Variants in MTUS1 observed in about 807,000 individuals in gnomAD.
MTUS1 encodes the protein microtubule associated scaffold protein 1.
MTUS1 carries 109 observed loss-of-function variants against 120.8 expected under a neutral mutation model. The ratio of observed to expected loss-of-function variants is 0.90; its 90% confidence interval spans 0.77 to 1.06. MTUS1 has a LOEUF of 1.06. Among genes scored for constraint, MTUS1 ranks in the 50% least tolerant of loss-of-function variants. MTUS1 has a pLI of 0.00. For missense variants in MTUS1, 2,210 were observed against 1,486.3 expected (o/e 1.49, Z -8.01); for synonymous variants, 737 against 550.5 (o/e 1.34, Z -4.74).
chr8:17,767,707 A>AACAAACAAACAAACAAACAAACAAAC (rs1554533232), intron 1 of MTUS1, among the ~76,000 whole-genome samples: 247 of 144,526 alleles, frequency 1.7e-3, no homozygotes, highest in Middle Eastern at 3.5e-3. Flanking sequence ...TCTTAAAAAA[A>AACAAACAAACAAACAAACAAACAAAC]AAAAAAAAAA....
intron 8 of MTUS1, among the ~76,000 whole-genome samples, chr8:17,665,423 G>C (rs1448961372): frequency 1.3e-5 from 2 of 152,296 alleles, no homozygotes; most frequent in South Asian, 4.1e-4. Context: ...TTCATTTAAT[G>C]TAACAATGCT....
Position 17,646,025 on chromosome 8 carries a change from G to T in MTUS1, c.3714C>A (p.Asp1238Glu), listed in dbSNP as rs1196332866. The T allele has an allele frequency of 1.9e-6, 3 of 1,613,672 alleles. No individual in the cohort carries two copies. The highest frequency in any genetic ancestry group is 1.3e-5 in the African/African-American group (1 of 74,988). The change falls in exon 15 of 15, where the codon GAC becomes GAA. Residue 1238 changes from aspartate (D) to glutamate (E), a missense_variant. Physicochemically the swap from Asp to Glu is conservative, Grantham distance 45. Coordinates refer to ENST00000693296, the MANE Select transcript of MTUS1 (RefSeq NM_001363059.2). Reference sequence around the variant, plus strand: ...TGGGGGATCTCTTGGGGCTACACAGGTCCCCATTGTGCAGTTTCCACAGAA... The same window carrying T: ...TGGGGGATCTCTTGGGGCTACACAGTTCCCCATTGTGCAGTTTCCACAGAA... ...EELLWKLHNG[D>E]LCSPKRSPTS... is the part of the protein sequence containing the mutation.
At chr8:17,764,859 A>G (rs1397185697) in intron 1 of MTUS1, among the ~76,000 whole-genome samples, 2 of 152,214 alleles carry the variant, frequency 1.3e-5, no homozygotes, top group Non-Finnish European at 2.9e-5. Context: ...GACTGGTTTC[A>G]TGGGAGACAA....
At chr8:17,771,128 T>G (rs186435928) in intron 1 of MTUS1, among the ~76,000 whole-genome samples, 3 of 152,204 alleles carry the variant, frequency 2.0e-5, no homozygotes, top group Non-Finnish European at 4.4e-5. Flanking sequence ...CAATAAGTTC[T>G]TAGGAGTGTT....
chr8:17,702,548 C>T (rs550939136), intron 6 of MTUS1, among the ~76,000 whole-genome samples: 3 of 152,248 alleles, frequency 2.0e-5, no homozygotes, highest in Non-Finnish European at 4.4e-5. Context: ...CATCAAGTTC[C>T]CATTCCCTGG....
At chr8:17,784,477 T>A (rs953146788) in intron 1 of MTUS1, among the ~76,000 whole-genome samples, 1 of 152,090 alleles carries the variant, frequency 6.6e-6, no homozygotes, top group Non-Finnish European at 1.5e-5. Context: ...GTATTTTTAG[T>A]GGAGATGAAG....
intron 2 of MTUS1, among the ~76,000 whole-genome samples, chr8:17,749,177 C>T (rs1423841416): frequency 6.6e-6 from 1 of 152,088 alleles, no homozygotes; most frequent in African/African-American, 2.4e-5. Flanking sequence ...TCAACAAAGA[C>T]CTTAAGACTG....
At chr8:17,759,117 G>A (rs560744691) in intron 1 of MTUS1, among the ~76,000 whole-genome samples, 126 of 152,168 alleles carry the variant, frequency 8.3e-4, no homozygotes, top group African/African-American at 3.0e-3. Flanking sequence ...TCCTGACCTC[G>A]TGATCCGCCC....
Position 17,655,902 on chromosome 8 carries a change from A to G in MTUS1, c.3069T>C (p.Ile1023=), listed in dbSNP as rs369766597. Residue 1023 remains isoleucine (I), a synonymous_variant, in exon 9 of 15, where the codon ATT becomes ATC. Transcript: ENST00000693296. ...REYEKLRDTY[I]EEAEKYKMQL... ...GCATTTTGTACTTCTCTGCTTCTTCAATGTAAGTGTCCCGAAGCTTTTCAT... is the reference window on the plus strand; with the variant it reads ...GCATTTTGTACTTCTCTGCTTCTTCGATGTAAGTGTCCCGAAGCTTTTCAT... 1.2e-5 allele frequency: 19 copies of G among 1,614,042 alleles called. No individual in the cohort carries two copies. The African/African-American group carries it at 1.7e-4, about 15-fold the overall frequency.
chr8:17,721,030 G>C (rs922009165), intron 4 of MTUS1, among the ~76,000 whole-genome samples: 1 of 152,256 alleles, frequency 6.6e-6, no homozygotes, highest in East Asian at 1.9e-4. Flanking sequence ...AAAGTTCCGA[G>C]AACCCAGTGC....
chr8:17,738,395 A>G (rs1158830501), intron 3 of MTUS1, among the ~76,000 whole-genome samples: 1 of 152,148 alleles, frequency 6.6e-6, no homozygotes. Context: ...TGAAATGGCA[A>G]CTCATGTGTG....
intron 3 of MTUS1, among the ~76,000 whole-genome samples, chr8:17,728,632 TTATA>T (rs1218512167): frequency 2.6e-4 from 39 of 152,198 alleles, no homozygotes; most frequent in Admixed American, 2.6e-3. Context: ...GTTCTGTAGT[TTATA>T]CAGCTTAGTA....
rs1392399806 is a variant in MTUS1 at position 17,664,713 on chromosome 8, A to G, written c.2906-8648T>C. Among the ~76,000 whole-genome samples, 4 of 152,090 alleles carry G rather than the reference A, an allele frequency of 2.6e-5. No individual in the cohort carries two copies. The South Asian group carries it at 6.2e-4, about 24-fold the overall frequency. Reference sequence around the variant, plus strand: ...CACTACATTCTACCGTAGGAGTGTGATGATGTCATAACATTCTACTAAGGG... The same window carrying G: ...CACTACATTCTACCGTAGGAGTGTGGTGATGTCATAACATTCTACTAAGGG... On this transcript the variant is annotated intron_variant, in intron 8 of 14. Coordinates refer to ENST00000693296, the MANE Select transcript of MTUS1 (RefSeq NM_001363059.2).
chr8:17,737,274 G>T (rs1250277533), intron 3 of MTUS1, among the ~76,000 whole-genome samples: 1 of 152,154 alleles, frequency 6.6e-6, no homozygotes, highest in Non-Finnish European at 1.5e-5. Flanking sequence ...CTGTAGAATG[G>T]CGATTATCAC....
Position 17,701,852 on chromosome 8 carries a change from A to AT in MTUS1, c.2623+11361dup, listed in dbSNP as rs1231868264. Among the ~76,000 whole-genome samples the AT allele has an allele frequency of 7.3e-5, 11 of 151,704 alleles. 1 individual carries two copies. The highest frequency in any genetic ancestry group is 1.3e-4 in the Admixed American group (2 of 15,226). ...GCGTGAGCCACCGCACCCGGCCAGA[A>AT]TTTTCTTTTCAATTTAAATTACTTA... On this transcript the variant is annotated intron_variant, in intron 6 of 14. Coordinates refer to ENST00000693296, the MANE Select transcript of MTUS1 (RefSeq NM_001363059.2).
intron 1 of MTUS1, among the ~76,000 whole-genome samples, chr8:17,788,554 G>A (rs1412437302): frequency 1.3e-5 from 2 of 152,162 alleles, no homozygotes; most frequent in Non-Finnish European, 2.9e-5. Context: ...GGGTACGACA[G>A]CCACAGACTA....
At chr8:17,751,406 A>T (rs781669127) in intron 2 of MTUS1, among the ~76,000 whole-genome samples, 5 of 152,186 alleles carry the variant, frequency 3.3e-5, no homozygotes, top group Non-Finnish European at 4.4e-5. Flanking sequence ...TGTTTCAGGA[A>T]AACACGCAGC....
In MTUS1 at chr8:17,686,433, A is replaced by G. The variant is rs113404237; in HGVS notation, c.2624-1891T>C. Among the ~76,000 whole-genome samples, 531 of 152,380 alleles carry G rather than the reference A, an allele frequency of 3.5e-3. 7 individuals are homozygous for G. Among genetic ancestry groups the G allele is most frequent in the African/African-American group, 0.012 (517 of 41,590 alleles). ...TATGTGTTATATAACTTTATAAACA[A>G]AAATGTTCAAATTCTTTCACTATCT... On this transcript the variant is annotated intron_variant, in intron 6 of 14. Transcript: ENST00000693296.
chr8:17,658,024 G>GACACACAC (rs58132896), intron 8 of MTUS1, among the ~76,000 whole-genome samples: 8,848 of 140,380 alleles, frequency 0.063, 421 homozygotes, highest in African/African-American at 0.12. Flanking sequence ...TATATATATA[G>GACACACAC]ACACACACAC....
Sources: gnomAD v4.1 joint callset for allele counts (sites outside exome capture counted in the v4.1 genomes callset) on GRCh38, gnomAD v4.1.1 for gene constraint, MANE v1.5 for transcripts, NCBI Gene and HGNC (gene_info 2026-07-23, HGNC 2026-07-21) for gene names.